Variants in NTM observed in about 807,000 individuals in gnomAD.
NTM encodes the protein neurotrimin.
NTM carries 13 observed loss-of-function variants against 42.1 expected under a neutral mutation model. The ratio of observed to expected loss-of-function variants is 0.31; its 90% CI spans 0.20 to 0.49. The LOEUF is 0.49. Ranked by LOEUF, NTM falls within the 20% of genes least tolerant of loss-of-function variation. The pLI, the probability that NTM is intolerant of heterozygous loss-of-function variation, is 0.99. For synonymous variants in NTM, 187 were observed against 179.2 expected (o/e 1.04, Z -0.35); for missense variants, 373 against 452.8 (o/e 0.82, Z 1.60).
intron 4 of NTM, among the ~76,000 whole-genome samples, chr11:132,230,514 G>A (rs2087299143): frequency 6.6e-6 from 1 of 152,150 alleles, no homozygotes; most frequent in Non-Finnish European, 1.5e-5. Flanking sequence ...TCAGGACCTG[G>A]GCCTGGAGCT....
chr11:131,837,621 A>T (rs941377256), intron 1 of NTM, among the ~76,000 whole-genome samples: 16 of 152,168 alleles, frequency 1.1e-4, no homozygotes, highest in Non-Finnish European at 2.1e-4. Context: ...GTGGTCCCGG[A>T]TCCTCTGTTT....
intron 1 of NTM, among the ~76,000 whole-genome samples, chr11:131,811,464 G>C (rs1374662340): frequency 1.3e-5 from 2 of 152,186 alleles, no homozygotes; most frequent in Non-Finnish European, 2.9e-5. Flanking sequence ...CAGAGGCAAG[G>C]CACAGGTGGA....
At chr11:132,314,762 G>A (rs777918689) in intron 7 of NTM, 59 bp downstream of exon 7, 4 of 1,521,054 alleles carry the variant, frequency 2.6e-6, no homozygotes, top group Non-Finnish European at 3.5e-6. Context: ...CGGGAGAGCT[G>A]GGTGGGAGGG....
chr11:132,302,463 C>T (rs1295330711), intron 4 of NTM, among the ~76,000 whole-genome samples: 9 of 152,090 alleles, frequency 5.9e-5, no homozygotes, highest in African/African-American at 1.4e-4. Flanking sequence ...CTAAGAACTA[C>T]GACTGTACAT....
At chr11:132,100,024 G>A (rs1480606536) in intron 2 of NTM, among the ~76,000 whole-genome samples, 2 of 151,924 alleles carry the variant, frequency 1.3e-5, no homozygotes, top group African/African-American at 4.8e-5. Flanking sequence ...TGAGACACTG[G>A]ACTAAAATCG....
intron 1 of NTM, among the ~76,000 whole-genome samples, chr11:131,788,350 A>G (rs1351111156): frequency 6.6e-6 from 1 of 152,050 alleles, no homozygotes; most frequent in Non-Finnish European, 1.5e-5. Flanking sequence ...ATTTCATTTT[A>G]TATAATTGCC....
chr11:132,127,332 C>G (rs1434551597), intron 2 of NTM, among the ~76,000 whole-genome samples: 1 of 152,208 alleles, frequency 6.6e-6, no homozygotes, highest in African/African-American at 2.4e-5. Flanking sequence ...TCCAAATAGA[C>G]CTATTACATA....
chr11:132,190,030 A>T (rs989686340), intron 3 of NTM, among the ~76,000 whole-genome samples: 2 of 152,234 alleles, frequency 1.3e-5, no homozygotes, highest in African/African-American at 2.4e-5. Flanking sequence ...GAGTGGTTTG[A>T]ACAAAGGGCA....
intron 1 of NTM, among the ~76,000 whole-genome samples, chr11:131,552,972 TCCAAA>T (rs2054913086): frequency 6.6e-6 from 1 of 152,050 alleles, no homozygotes; most frequent in East Asian, 1.9e-4. Flanking sequence ...ACTCACACAA[TCCAAA>T]CCAAGCTACA....
intron 6 of NTM, among the ~76,000 whole-genome samples, chr11:132,312,171 C>G (rs1460307008): frequency 6.6e-6 from 1 of 152,176 alleles, no homozygotes; most frequent in Non-Finnish European, 1.5e-5. Flanking sequence ...CAAGTTGGGT[C>G]TGCCAGGTAG....
chr11:131,461,891 A>G (rs1332815598), intron 1 of NTM, among the ~76,000 whole-genome samples: 1 of 152,256 alleles, frequency 6.6e-6, no homozygotes. Context: ...GGACATTCAA[A>G]TTAAACATGC....
chr11:132,214,489 A>G lies in NTM; in HGVS notation c.526+2342A>G, dbSNP rs543720632. On this transcript the variant is annotated intron_variant, in intron 4 of 8. Transcript: ENST00000683400. ...CGTCTCCTTTTTGTCCTGCCATTTTATGCCTATAACTTCCCGATAAGTTAT... is the reference window on the plus strand; with the variant it reads ...CGTCTCCTTTTTGTCCTGCCATTTTGTGCCTATAACTTCCCGATAAGTTAT... Among the ~76,000 whole-genome samples the G allele has an allele frequency of 3.9e-5, 6 of 151,990 alleles. No homozygotes were observed. The South Asian group carries it at 1.2e-3, about 32-fold the overall frequency.
At chr11:131,671,075 T>G (rs534394166) in intron 1 of NTM, among the ~76,000 whole-genome samples, 10 of 152,298 alleles carry the variant, frequency 6.6e-5, no homozygotes, top group African/African-American at 2.4e-4. Flanking sequence ...ATCATCTTTC[T>G]TCTGACCCTT....
intron 1 of NTM, among the ~76,000 whole-genome samples, chr11:131,648,172 C>T (rs774155355): frequency 6.6e-6 from 1 of 152,092 alleles, no homozygotes; most frequent in Non-Finnish European, 1.5e-5. Context: ...TCCATGTTGC[C>T]GCAAAGGATG....
At chr11:132,213,201 G>T (rs1282086926) in intron 4 of NTM, among the ~76,000 whole-genome samples, 1 of 152,130 alleles carries the variant, frequency 6.6e-6, no homozygotes, top group Non-Finnish European at 1.5e-5. Flanking sequence ...TGTGTGATTG[G>T]CATGAAAGAC....
intron 3 of NTM, among the ~76,000 whole-genome samples, chr11:132,150,641 A>C (rs1218943358): frequency 6.6e-6 from 1 of 151,958 alleles, no homozygotes; most frequent in African/African-American, 2.4e-5. Flanking sequence ...TTCCTAGGTT[A>C]GCTTCAATTG....
chr11:131,613,686 C>T (rs2061652171), intron 1 of NTM, among the ~76,000 whole-genome samples: 1 of 152,180 alleles, frequency 6.6e-6, no homozygotes. Flanking sequence ...GGTCACCTTT[C>T]ATCCTTACCC....
intron 2 of NTM, among the ~76,000 whole-genome samples, chr11:132,048,807 T>TTTTC (rs755143250): frequency 1.0e-5 from 1 of 98,204 alleles, no homozygotes; most frequent in Non-Finnish European, 1.9e-5. Context: ...GCTGTTTTTC[T>TTTTC]TTTCTTTTTT....
intron 4 of NTM, among the ~76,000 whole-genome samples, chr11:132,244,700 T>G (rs766558038): frequency 2.0e-5 from 3 of 152,190 alleles, no homozygotes; most frequent in Admixed American, 2.0e-4. Flanking sequence ...ATAGGAGCTA[T>G]TCACAACGCA....
Sources: gnomAD v4.1 joint callset for allele counts (sites outside exome capture counted in the v4.1 genomes callset) on GRCh38, gnomAD v4.1.1 for gene constraint, MANE v1.5 for transcripts, NCBI Gene and HGNC (gene_info 2026-07-23, HGNC 2026-07-21) for gene names.